Variants in ZNF469 observed in about 807,000 individuals in gnomAD.
ZNF469 encodes the protein zinc finger protein 469.
In ZNF469, 1 loss-of-function variant was observed where a neutral mutation model predicts 1.0. The observed-to-expected ratio is 1.00, with a 90% CI of 0.35 to 4.73. ZNF469 has a LOEUF of 4.73. Ranked by LOEUF, ZNF469 falls within the 30% of genes most tolerant of loss-of-function variation. The probability of loss-of-function intolerance (pLI) is 0.16; values close to 1 mark genes in which losing one functional copy is unlikely to be tolerated. For missense variants in ZNF469, 6,100 were observed against 5,356.3 expected (o/e 1.14, Z -4.33); for synonymous variants, 2,703 against 2,363.4 (o/e 1.14, Z -4.17).
At chr16:88,283,152 G>A in the ZNF469 span, among the ~76,000 whole-genome samples, 728 of 152,250 alleles carry the variant, frequency 4.8e-3, 3 homozygotes, top group Middle Eastern at 0.051. Flanking sequence ...GTGAGCAGTC[G>A]TCTAGGGGGT....
chr16:88,120,342 T>C, the ZNF469 span, among the ~76,000 whole-genome samples: 1 of 152,226 alleles, frequency 6.6e-6, no homozygotes, highest in Non-Finnish European at 1.5e-5. Context: ...GTTACAGAAA[T>C]GGCAGATGAT....
At chr16:88,119,380 C>T in the ZNF469 span, among the ~76,000 whole-genome samples, 2 of 152,212 alleles carry the variant, frequency 1.3e-5, no homozygotes, top group South Asian at 2.1e-4. Context: ...GGTGCACGTG[C>T]GGGGCCCATC....
At chr16:88,336,911 C>T in the ZNF469 span, among the ~76,000 whole-genome samples, 11 of 152,344 alleles carry the variant, frequency 7.2e-5, no homozygotes, top group Non-Finnish European at 1.0e-4. Flanking sequence ...CATCTCTGCT[C>T]TTCTGGGCAT....
At chr16:88,136,594 G>C in the ZNF469 span, among the ~76,000 whole-genome samples, 10 of 152,244 alleles carry the variant, frequency 6.6e-5, no homozygotes, top group African/African-American at 2.2e-4. Flanking sequence ...CAGATGTAGC[G>C]TGGGCCCCGC....
At chr16:88,194,411 C>G in the ZNF469 span, 1 of 152,274 alleles carries the variant, frequency 6.6e-6, no homozygotes, top group African/African-American at 2.4e-5. Context: ...TTTCTCTGCA[C>G]GCACCAGGCA....
chr16:88,316,396 C>T, the ZNF469 span, among the ~76,000 whole-genome samples: 2 of 152,166 alleles, frequency 1.3e-5, no homozygotes, highest in Non-Finnish European at 2.9e-5. Flanking sequence ...GCTCTTCCCA[C>T]TTCTCTGCCC....
At position 88,398,983 on chromosome 16, in the gene ZNF469, G is replaced by A. The variant is rs138819710; in HGVS notation, c.-192+15729G>A. Among the ~76,000 whole-genome samples, 747 of 152,360 alleles carry A rather than the reference G, an allele frequency of 4.9e-3. 4 individuals are homozygous for A. The highest frequency in any genetic ancestry group is 7.6e-3 in the Non-Finnish European group (518 of 68,038). Reference sequence around the variant, plus strand: ...GATCTATTTTTAACCTCATTTAACAGATAAGAAAACACAGCATAGAGACGT... The same window carrying A: ...GATCTATTTTTAACCTCATTTAACAAATAAGAAAACACAGCATAGAGACGT... On this transcript the variant is annotated intron_variant, in intron 1 of 2. Transcript: ENST00000565624.
the ZNF469 span, among the ~76,000 whole-genome samples, chr16:88,301,627 C>G: frequency 6.6e-6 from 1 of 152,210 alleles, no homozygotes; most frequent in African/African-American, 2.4e-5. Context: ...GTAGCCACGT[C>G]CAGGAATTCC....
At chr16:88,163,718 T>C in the ZNF469 span, among the ~76,000 whole-genome samples, 1 of 148,796 alleles carries the variant, frequency 6.7e-6, no homozygotes, top group Non-Finnish European at 1.5e-5. Flanking sequence ...GGTGAGTGAA[T>C]GGATGGGTGG....
chr16:88,427,152 GC>G (rs759574412), intron 2 of ZNF469, among the ~76,000 whole-genome samples, 192 bp from the exon 3 acceptor site: 5 of 152,074 alleles, frequency 3.3e-5, no homozygotes, highest in Non-Finnish European at 7.4e-5. Flanking sequence ...CTGGCGGGAT[GC>G]CCTCTCCCTT....
the ZNF469 span, among the ~76,000 whole-genome samples, chr16:88,268,607 C>A: frequency 1.3e-5 from 2 of 152,224 alleles, no homozygotes; most frequent in African/African-American, 4.8e-5. Context: ...GGGTCAAGTG[C>A]TTGGTGCCTC....
the ZNF469 span, among the ~76,000 whole-genome samples, chr16:88,150,885 C>T: frequency 6.6e-6 from 1 of 152,142 alleles, no homozygotes; most frequent in Non-Finnish European, 1.5e-5. Flanking sequence ...ATTCATCTCT[C>T]GCCACGGTGG....
chr16:88,165,911 C>A, the ZNF469 span, among the ~76,000 whole-genome samples: 1 of 152,222 alleles, frequency 6.6e-6, no homozygotes, highest in Non-Finnish European at 1.5e-5. Context: ...CAGCACAAAG[C>A]CCCCGAGACT....
At chr16:88,215,087 C>G in the ZNF469 span, among the ~76,000 whole-genome samples, 1 of 152,126 alleles carries the variant, frequency 6.6e-6, no homozygotes, top group Non-Finnish European at 1.5e-5. Context: ...AATTTTCTGT[C>G]CTATAATTCT....
the ZNF469 span, among the ~76,000 whole-genome samples, chr16:88,164,106 A>G: frequency 1.3e-5 from 2 of 149,840 alleles, no homozygotes; most frequent in South Asian, 2.1e-4. Context: ...GGGTCAGTGG[A>G]TGAATAGTTG....
Position 88,429,298 on chromosome 16 carries a change from C to T in ZNF469, c.1828C>T (p.Pro610Ser). Residue 610 changes from proline (P) to serine (S), a missense_variant, in exon 3 of 3, where the codon CCG becomes TCG. Transcript: ENST00000565624. Reference sequence around the variant, plus strand: ...CGGCAGCACCTGCTCTTCCCTGTCGCCGATGTCCAGCAGCCCAGCCAACCC... The same window carrying T: ...CGGCAGCACCTGCTCTTCCCTGTCGTCGATGTCCAGCAGCCCAGCCAACCC... ...TAGSTCSSLS[P>S]MSSSPANPSS... 1 of 1,549,930 alleles carries T rather than the reference C, an allele frequency of 6.5e-7. No individual in the cohort carries two copies.
the ZNF469 span, among the ~76,000 whole-genome samples, chr16:88,371,442 G>A: frequency 9.9e-5 from 15 of 152,268 alleles, no homozygotes; most frequent in Admixed American, 6.5e-4. Context: ...TCATAGTAAC[G>A]GCCTGATAAC....
the ZNF469 span, among the ~76,000 whole-genome samples, chr16:88,254,668 G>A: frequency 7.2e-5 from 11 of 152,200 alleles, no homozygotes; most frequent in African/African-American, 2.7e-4. Flanking sequence ...TGAGGCAGGA[G>A]AATTGCTTGA....
At position 88,438,265 on chromosome 16, in the gene ZNF469, G is replaced by A. The variant is rs199760004; in HGVS notation, c.10795G>A (p.Ala3599Thr). The A allele has an allele frequency of 4.5e-6, 7 of 1,548,094 alleles. No individual in the cohort carries two copies. Among genetic ancestry groups the A allele is most frequent in the African/African-American group, 2.7e-5 (2 of 73,000 alleles). The change falls in exon 3 of 3, where the codon GCA becomes ACA. Residue 3599 changes from alanine to threonine, a missense_variant. Transcript: ENST00000565624. ...TCTCCAGCAAGCTCTCCCTCTGGGG[G>A]CATCTCTGCCGCGGCCGGGAGCCAG... ...PLLQQALPLG[A>T]SLPRPGARGQ...
Sources: gnomAD v4.1 joint callset for allele counts (sites outside exome capture counted in the v4.1 genomes callset) on GRCh38, gnomAD v4.1.1 for gene constraint, MANE v1.5 for transcripts, NCBI Gene and HGNC (gene_info 2026-07-23, HGNC 2026-07-21) for gene names.